ZNF438: variants seen among roughly 807,000 people sequenced by gnomAD.
ZNF438 encodes the protein zinc finger protein 438.
A neutral mutation model predicts 38.0 loss-of-function variants in ZNF438; 25 were observed. The observed-to-expected ratio is 0.66, with a 90% CI of 0.48 to 0.92. The LOEUF (loss-of-function observed/expected upper bound fraction) is 0.92, where lower values mean the gene tolerates loss of function less well. Ranked by LOEUF, ZNF438 falls within the 40% of genes least tolerant of loss-of-function variation. The probability of loss-of-function intolerance (pLI) is 0.00; values close to 1 mark genes in which losing one functional copy is unlikely to be tolerated. For missense variants in ZNF438, 1,007 were observed against 999.6 expected, an observed-to-expected ratio of 1.01 and a Z score of -0.10; for synonymous variants, 372 against 364.1, an observed-to-expected ratio of 1.02 and a Z score of -0.25.
chr10:30,977,350 T>G (rs949278818), intron 1 of ZNF438, among the ~76,000 whole-genome samples: 1 of 152,174 alleles, frequency 6.6e-6, no homozygotes, highest in African/African-American at 2.4e-5. Context: ...GAGAAAGAAA[T>G]TCTTCTTTTT....
chr10:31,026,179 G>T (rs1171734271), intron 1 of ZNF438, among the ~76,000 whole-genome samples: 5 of 152,114 alleles, frequency 3.3e-5, no homozygotes, highest in Non-Finnish European at 5.9e-5. Context: ...ATAGGCATGG[G>T]CAAGGACTTC....
intron 1 of ZNF438, among the ~76,000 whole-genome samples, chr10:30,950,520 A>G (rs1036392017): frequency 6.6e-6 from 1 of 152,040 alleles, no homozygotes; most frequent in African/African-American, 2.4e-5. Flanking sequence ...ATAAAGAAAA[A>G]AAGAGAGAAG....
intron 2 of ZNF438, among the ~76,000 whole-genome samples, chr10:30,910,203 A>G (rs2042942446): frequency 6.6e-6 from 1 of 152,158 alleles, no homozygotes; most frequent in Non-Finnish European, 1.5e-5. Flanking sequence ...ACCTGAGACT[A>G]TAGGTGAAGG....
At chr10:30,922,584 A>T (rs546215383) in intron 2 of ZNF438, among the ~76,000 whole-genome samples, 102 of 152,362 alleles carry the variant, frequency 6.7e-4, no homozygotes, top group Admixed American at 2.3e-3. Context: ...CTGTAATCCC[A>T]GCACTTTGGG....
chr10:30,949,065 TA>T (rs1361593326), intron 1 of ZNF438, among the ~76,000 whole-genome samples: 8 of 152,104 alleles, frequency 5.3e-5, no homozygotes, highest in Non-Finnish European at 1.5e-5. Flanking sequence ...GCAGAAACCC[TA>T]CAAGCCAGAA....
chr10:31,017,513 A>C (rs1452580707), intron 1 of ZNF438, among the ~76,000 whole-genome samples: 1 of 152,192 alleles, frequency 6.6e-6, no homozygotes, highest in African/African-American at 2.4e-5. Context: ...AAAATTTCAA[A>C]AGGTCTGTTT....
At chr10:31,023,279 C>A (rs1055595722) in intron 1 of ZNF438, among the ~76,000 whole-genome samples, 1 of 152,120 alleles carries the variant, frequency 6.6e-6, no homozygotes, top group Non-Finnish European at 1.5e-5. Flanking sequence ...AATTCGGCAT[C>A]TATCAAGACT....
intron 1 of ZNF438, among the ~76,000 whole-genome samples, chr10:30,987,693 AC>A: frequency 6.7e-6 from 1 of 149,994 alleles, no homozygotes; most frequent in Non-Finnish European, 1.5e-5. Context: ...CCCACCCACC[AC>A]CCCCCATCCA....
intron 1 of ZNF438, among the ~76,000 whole-genome samples, chr10:30,963,536 T>C (rs1018442482): frequency 1.3e-5 from 2 of 152,136 alleles, no homozygotes; most frequent in African/African-American, 4.8e-5. Flanking sequence ...TCCTTATATG[T>C]TAGGATTCAA....
chr10:31,002,872 T>A (rs2054791435), intron 1 of ZNF438, among the ~76,000 whole-genome samples: 1 of 152,214 alleles, frequency 6.6e-6, no homozygotes, highest in South Asian at 2.1e-4. Flanking sequence ...AGAAAACATT[T>A]ATGGGATGTA....
intron 1 of ZNF438, among the ~76,000 whole-genome samples, chr10:31,016,243 CAG>C (rs1564853152): frequency 1.3e-5 from 2 of 151,942 alleles, no homozygotes; most frequent in Admixed American, 6.6e-5. Flanking sequence ...ATAATTATAA[CAG>C]GGGTGATGTT....
At chr10:31,006,507 C>A (rs894565576) in intron 1 of ZNF438, among the ~76,000 whole-genome samples, 2 of 152,154 alleles carry the variant, frequency 1.3e-5, no homozygotes, top group Admixed American at 6.5e-5. Flanking sequence ...TATCTGCATC[C>A]TTTGTAATAC....
intron 3 of ZNF438, among the ~76,000 whole-genome samples, chr10:30,902,668 T>C (rs1464135086): frequency 6.6e-6 from 1 of 152,150 alleles, no homozygotes; most frequent in African/African-American, 2.4e-5. Flanking sequence ...CACAGAGTGC[T>C]GACTGGTGCA....
chr10:30,988,641 T>C (rs921857627), intron 1 of ZNF438, among the ~76,000 whole-genome samples: 1 of 152,154 alleles, frequency 6.6e-6, no homozygotes, highest in Non-Finnish European at 1.5e-5. Context: ...CAGTTTTGCT[T>C]TAATGAATAT....
At chr10:31,020,356 G>GA (rs1011710586) in intron 1 of ZNF438, among the ~76,000 whole-genome samples, 6 of 152,040 alleles carry the variant, frequency 3.9e-5, no homozygotes, top group Non-Finnish European at 8.8e-5. Flanking sequence ...AGTTTTTAAA[G>GA]AAAAAAAGGA....
chr10:30,875,816 C>A (rs2038326028), intron 4 of ZNF438, among the ~76,000 whole-genome samples: 2 of 152,242 alleles, frequency 1.3e-5, no homozygotes, highest in African/African-American at 4.8e-5. Flanking sequence ...CCTTCCAAGG[C>A]CATTAGGCAT....
At chr10:30,999,084 C>A (rs959923456) in intron 1 of ZNF438, among the ~76,000 whole-genome samples, 1 of 151,742 alleles carries the variant, frequency 6.6e-6, no homozygotes, top group Admixed American at 6.6e-5. Context: ...CTTATCCAAG[C>A]GGTTCCCAAA....
At chr10:30,910,824 TAC>T (rs1455680037) in intron 2 of ZNF438, among the ~76,000 whole-genome samples, 2 of 151,922 alleles carry the variant, frequency 1.3e-5, no homozygotes, top group African/African-American at 4.8e-5. Context: ...TCTAAATTAA[TAC>T]AGTTAAAATT....
At chr10:30,957,624 A>G (rs1017652056) in intron 1 of ZNF438, among the ~76,000 whole-genome samples, 7 of 152,048 alleles carry the variant, frequency 4.6e-5, no homozygotes, top group East Asian at 3.9e-4. Flanking sequence ...CCTTTCCCCA[A>G]TGTGTGCTCT....
Sources: gnomAD v4.1 joint callset for allele counts (sites outside exome capture counted in the v4.1 genomes callset) on GRCh38, gnomAD v4.1.1 for gene constraint, MANE v1.5 for transcripts, NCBI Gene and HGNC (gene_info 2026-07-23, HGNC 2026-07-21) for gene names.